ZNF578: variants seen among roughly 807,000 people sequenced by gnomAD.
The protein encoded by ZNF578 is zinc finger protein 578, also known as Putative chemokine-related protein B42.
Under a neutral mutation model 8.3 loss-of-function variants are expected in ZNF578, and 8 were observed. The ratio of observed to expected loss-of-function variants is 0.96; its 90% CI spans 0.56 to 1.74. The LOEUF is 1.74. Ranked by LOEUF, ZNF578 falls within the 40% of genes most tolerant of loss-of-function variation. ZNF578 has a pLI of 0.00. For missense variants in ZNF578, 726 were observed against 707.5 expected, an observed-to-expected ratio of 1.03 and a Z score of -0.30; for synonymous variants, 206 against 232.2, an observed-to-expected ratio of 0.89 and a Z score of 1.03.
intron 2 of ZNF578, chr19:52,458,817 G>A (rs2059247487): frequency 6.6e-6 from 1 of 151,996 alleles, no homozygotes; most frequent in African/African-American, 2.4e-5. Context: ...TAGGAATAAA[G>A]TTTTGTTGTT....
At chr19:52,488,110 C>T (rs371110818) in intron 2 of ZNF578, among the ~76,000 whole-genome samples, 10 of 152,128 alleles carry the variant, frequency 6.6e-5, no homozygotes, top group Non-Finnish European at 8.8e-5. Flanking sequence ...CACCACCCCA[C>T]CCAGCTAATT....
Position 52,504,775 on chromosome 19 carries a change from G to T in ZNF578, c.184G>T (p.Ala62Ser), listed in dbSNP as rs201174254. 7.7e-5 allele frequency: 124 copies of T among 1,614,106 alleles called. No homozygotes were observed. The highest frequency in any genetic ancestry group is 4.9e-4 in the Middle Eastern group (3 of 6,062). The change falls in exon 5 of 6, where the codon GCT (alanine) becomes TCT (serine). Residue 62 changes from alanine (A) to serine (S), a missense_variant. Physicochemically the swap from Ala to Ser is moderately conservative, Grantham distance 99 (BLOSUM62 1). Coordinates refer to ENST00000421239, the MANE Select transcript of ZNF578 (RefSeq NM_001099694.2). ...GTTGGAGAACTACAGGAACCTGGAG[G>T]CTGTGGGTGAGGAAAATGTCCCTGC... ...VMLENYRNLE[A>S]VDISSKRMMK...
chr19:52,481,705 A>T lies in ZNF578; in HGVS notation c.-121-9619A>T, dbSNP rs1162988816. Among the ~76,000 whole-genome samples, 4 of 152,092 alleles carry T rather than the reference A, an allele frequency of 2.6e-5. No individual in the cohort carries two copies. The South Asian group carries it at 8.3e-4, about 32-fold the overall frequency. The stretch of plus-strand genomic sequence containing the variant: ...TGGGGAAGTGAAGTGGGAGAAAAAA[A>T]TCACTTTCTGTTATTACATAATACT... On this transcript the variant is annotated intron_variant, in intron 2 of 5. Coordinates refer to ENST00000421239, the MANE Select transcript of ZNF578 (RefSeq NM_001099694.2).
intron 3 of ZNF578, among the ~76,000 whole-genome samples, chr19:52,497,320 A>G (rs1393447832): frequency 6.6e-6 from 1 of 151,998 alleles, no homozygotes; most frequent in Non-Finnish European, 1.5e-5. Context: ...CTGGTCTCAA[A>G]CTCCTGACTT....
At chr19:52,456,128 A>G (rs965688379) in intron 1 of ZNF578, 26 of 152,016 alleles carry the variant, frequency 1.7e-4, no homozygotes, top group African/African-American at 6.0e-4. Context: ...TTCTGATATC[A>G]CCTTCTCAGT....
At chr19:52,505,316 T>A (rs1290421719) in intron 5 of ZNF578, among the ~76,000 whole-genome samples, 1 of 152,226 alleles carries the variant, frequency 6.6e-6, no homozygotes, top group African/African-American at 2.4e-5. Flanking sequence ...AGCGGGGACA[T>A]CATTTGGGCT....
intron 2 of ZNF578, among the ~76,000 whole-genome samples, chr19:52,484,014 C>G (rs1158832383): frequency 6.6e-6 from 1 of 152,018 alleles, no homozygotes; most frequent in Non-Finnish European, 1.5e-5. Flanking sequence ...GTCTCTGAGT[C>G]CCCTTAGTAT....
At chr19:52,487,292 A>G (rs1327916154) in intron 2 of ZNF578, among the ~76,000 whole-genome samples, 3 of 152,304 alleles carry the variant, frequency 2.0e-5, no homozygotes, top group Non-Finnish European at 1.5e-5. Context: ...TCATGCCACT[A>G]TACTGCAGCC....
rs650885 is a variant in ZNF578 at position 52,515,998 on chromosome 19, G to C, written c.*3844G>C. On this transcript the variant is annotated 3_prime_UTR_variant, in exon 6 of 6. Coordinates refer to ENST00000421239, the MANE Select transcript of ZNF578 (RefSeq NM_001099694.2). The stretch of plus-strand genomic sequence containing the variant: ...TCACTGTGGCTCCACAGCCCCGTGT[G>C]CAGGGCCCCTGCCAGTGTCCAGCCT... 0.52 allele frequency among the ~76,000 whole-genome samples: 79,445 copies of C among 151,608 alleles called. 21,047 individuals carry two copies. Among genetic ancestry groups the C allele is most frequent in the Admixed American group, 0.63 (9,655 of 15,226 alleles).
In ZNF578 at chr19:52,511,941, T is replaced by A; in HGVS notation, c.1560T>A (p.Phe520Leu). The change falls in exon 6 of 6, where the codon TTT becomes TTA. Residue 520 changes from phenylalanine to leucine, a missense_variant. Physicochemically the swap from Phe to Leu is conservative, Grantham distance 22. Coordinates refer to ENST00000421239, the MANE Select transcript of ZNF578 (RefSeq NM_001099694.2). ...AGTGTAATGAATGTGGGAAGACTTT[T>A]AATGTACAGTCACACCTTTCACGTC... ...PYKCNECGKTFNVQSHLSRHH... is the reference protein window; with the variant it reads ...PYKCNECGKTLNVQSHLSRHH... 6.2e-7 allele frequency: 1 copy of A among 1,614,010 alleles called. No homozygotes were observed. The highest frequency in any genetic ancestry group is 8.5e-7 in the Non-Finnish European group (1 of 1,179,978).
chr19:52,464,324 G>C (rs887571131), intron 2 of ZNF578, among the ~76,000 whole-genome samples: 1 of 152,108 alleles, frequency 6.6e-6, no homozygotes, highest in Non-Finnish European at 1.5e-5. Flanking sequence ...TCGGGTGTTA[G>C]TCCTCTTTTA....
intron 2 of ZNF578, among the ~76,000 whole-genome samples, chr19:52,462,208 T>A (rs1945718330): frequency 6.6e-6 from 1 of 152,254 alleles, no homozygotes; most frequent in Admixed American, 6.5e-5. Context: ...ACTCTGTGAA[T>A]GAGCCAGGCT....
intron 5 of ZNF578, among the ~76,000 whole-genome samples, chr19:52,510,174 G>GT (rs893335939): frequency 2.3e-3 from 337 of 145,132 alleles, no homozygotes; most frequent in Admixed American, 4.1e-3. Flanking sequence ...ATTGTGTGGT[G>GT]TTTTTTTTTT....
At chr19:52,479,175 A>G (rs963982427) in intron 2 of ZNF578, among the ~76,000 whole-genome samples, 1 of 149,196 alleles carries the variant, frequency 6.7e-6, no homozygotes, top group Non-Finnish European at 1.5e-5. Flanking sequence ...TAAAACTTCA[A>G]GCAACTTCAC....
intron 2 of ZNF578, among the ~76,000 whole-genome samples, chr19:52,468,102 C>A (rs1217839382): frequency 6.6e-6 from 1 of 151,936 alleles, no homozygotes; most frequent in Non-Finnish European, 1.5e-5. Context: ...ATGTAGACTG[C>A]AACATATGGA....
intron 2 of ZNF578, among the ~76,000 whole-genome samples, chr19:52,462,937 T>C (rs957795315): frequency 4.6e-5 from 7 of 152,302 alleles, no homozygotes; most frequent in East Asian, 1.9e-4. Flanking sequence ...CAGGTTTTCC[T>C]TCATGAACAT....
intron 2 of ZNF578, among the ~76,000 whole-genome samples, chr19:52,463,916 A>T (rs1257121488): frequency 1.3e-5 from 2 of 152,222 alleles, no homozygotes; most frequent in Non-Finnish European, 2.9e-5. Flanking sequence ...GTTAATTTTA[A>T]GAACTGGAAA....
At position 52,498,407 on chromosome 19, in the gene ZNF578, C is replaced by T. The variant is rs192748059; in HGVS notation, c.-19-3420C>T. 2.0e-5 allele frequency among the ~76,000 whole-genome samples: 3 copies of T among 150,372 alleles called. No individual in the cohort carries two copies. In the East Asian group the frequency reaches 5.9e-4, roughly 29 times the overall value. ...AGTGCAGTGGCGCAATCTCCTCTCA[C>T]TGCAAGCTCTGCCTCCTTGGTTCAT... On this transcript the variant is annotated intron_variant, in intron 3 of 5. Coordinates refer to ENST00000421239, the MANE Select transcript of ZNF578 (RefSeq NM_001099694.2).
chr19:52,503,199 A>C (rs1035145702), intron 4 of ZNF578, among the ~76,000 whole-genome samples: 1 of 151,990 alleles, frequency 6.6e-6, no homozygotes. Flanking sequence ...CTTATTTTTT[A>C]TATTGTATTT....
Sources: gnomAD v4.1 joint callset for allele counts (sites outside exome capture counted in the v4.1 genomes callset) on GRCh38, gnomAD v4.1.1 for gene constraint, MANE v1.5 for transcripts, NCBI Gene and HGNC (gene_info 2026-07-23, HGNC 2026-07-21) for gene names.